SLC44A5: variants seen among roughly 807,000 people sequenced by gnomAD.
The protein encoded by SLC44A5 is choline transporter-like protein 5.
SLC44A5 carries 57 observed loss-of-function variants against 101.8 expected under a neutral mutation model. The ratio of observed to expected loss-of-function variants is 0.56; its 90% CI spans 0.45 to 0.70. The LOEUF is 0.70. Ranked by LOEUF, SLC44A5 falls within the 30% of genes least tolerant of loss-of-function variation. The probability of loss-of-function intolerance (pLI) is 0.00; values close to 1 mark genes in which losing one functional copy is unlikely to be tolerated. For synonymous variants in SLC44A5, 281 were observed against 290.9 expected, an observed-to-expected ratio of 0.97 and a Z score of 0.35; for missense variants, 737 against 853.1, an observed-to-expected ratio of 0.86 and a Z score of 1.70.
intron 4 of SLC44A5, among the ~76,000 whole-genome samples, chr1:75,308,305 C>G (rs1221045997): frequency 6.6e-6 from 1 of 152,034 alleles, no homozygotes; most frequent in African/African-American, 2.4e-5. Context: ...TTCTAAACTG[C>G]TTGCATTTGG....
intron 2 of SLC44A5, among the ~76,000 whole-genome samples, chr1:75,495,134 A>G (rs901839922): frequency 4.6e-5 from 7 of 152,164 alleles, no homozygotes; most frequent in Admixed American, 3.9e-4. Flanking sequence ...TGAAATTGAG[A>G]TATGTAATTT....
intron 6 of SLC44A5, among the ~76,000 whole-genome samples, chr1:75,254,539 G>A (rs917433155): frequency 2.0e-5 from 3 of 152,052 alleles, no homozygotes; most frequent in South Asian, 2.1e-4. Context: ...GAGACTCATC[G>A]GAATAAAATA....
chr1:75,321,084 T>C lies in SLC44A5; in HGVS notation c.101+18498A>G, dbSNP rs371645878. On this transcript the variant is annotated intron_variant, in intron 4 of 23. Transcript: ENST00000370859. ...TAATATTAAGATGTTTATTTATAAC[T>C]TTATGACATTAGAGAAAGCATTTGT... is the stretch of plus-strand genomic sequence containing the variant. Among the ~76,000 whole-genome samples the C allele has an allele frequency of 7.9e-5, 12 of 151,774 alleles. No homozygotes were observed. In the East Asian group the frequency reaches 2.3e-3, roughly 29 times the overall value.
At chr1:75,526,072 G>A (rs576460022) in intron 2 of SLC44A5, among the ~76,000 whole-genome samples, 27 of 152,274 alleles carry the variant, frequency 1.8e-4, no homozygotes, top group African/African-American at 6.5e-4. Context: ...CTTTGTCTTT[G>A]TAGGTTACAT....
chr1:75,613,575 G>A (rs967793497), upstream of SLC44A5, among the ~76,000 whole-genome samples: 7 of 152,132 alleles, frequency 4.6e-5, no homozygotes, highest in Non-Finnish European at 5.9e-5. Flanking sequence ...TAAAAAACAA[G>A]AACAACTCAA....
chr1:75,573,650 C>T (rs1338157033), intron 1 of SLC44A5, among the ~76,000 whole-genome samples: 1 of 152,132 alleles, frequency 6.6e-6, no homozygotes, highest in Non-Finnish European at 1.5e-5. Context: ...TGATTATACA[C>T]AGGGAGCGTA....
At position 75,335,889 on chromosome 1, in the gene SLC44A5, G is replaced by A. The variant is rs567464998; in HGVS notation, c.101+3693C>T. ...CTCTGACACCAGCCTCAGAGTGCCC[G>A]TCCTTCCCTGAAATCCTGCAGCAGC... is the stretch of plus-strand genomic sequence containing the variant. On this transcript the variant is annotated intron_variant, in intron 4 of 23. Coordinates refer to ENST00000370859, the MANE Select transcript of SLC44A5 (RefSeq NM_001130058.2). Among the ~76,000 whole-genome samples, 13 of 152,266 alleles carry A rather than the reference G, an allele frequency of 8.5e-5. No homozygotes were observed. The East Asian group carries it at 1.7e-3, about 20-fold the overall frequency.
chr1:75,405,683 A>T (rs1290705502), intron 2 of SLC44A5, among the ~76,000 whole-genome samples: 5 of 152,120 alleles, frequency 3.3e-5, no homozygotes, highest in African/African-American at 4.8e-5. Flanking sequence ...AATGTACCCA[A>T]ATCTGTGGGA....
At chr1:75,643,357 TC>T in the SLC44A5 span, among the ~76,000 whole-genome samples, 1 of 152,126 alleles carries the variant, frequency 6.6e-6, no homozygotes, top group Non-Finnish European at 1.5e-5. Flanking sequence ...ATTAAAGTAG[TC>T]TTTGGTTATC....
intron 2 of SLC44A5, among the ~76,000 whole-genome samples, chr1:75,423,878 T>G (rs1240221437): frequency 6.6e-6 from 1 of 152,234 alleles, no homozygotes; most frequent in Non-Finnish European, 1.5e-5. Flanking sequence ...TAAAACACCA[T>G]TAGTTTCCTA....
chr1:75,227,884 A>T (rs1014042328), intron 12 of SLC44A5, 27 bp from the exon 13 acceptor site: 99 of 1,555,314 alleles, frequency 6.4e-5, no homozygotes, highest in Non-Finnish European at 8.5e-5. Context: ...AAACAGAATA[A>T]TATAAAATAT....
chr1:75,698,549 C>G, the SLC44A5 span, among the ~76,000 whole-genome samples: 7 of 152,282 alleles, frequency 4.6e-5, no homozygotes, highest in East Asian at 1.9e-4. Flanking sequence ...CACAAAGATG[C>G]GGAAAAAACA....
the SLC44A5 span, among the ~76,000 whole-genome samples, chr1:75,703,903 C>T: frequency 6.6e-6 from 1 of 152,010 alleles, no homozygotes; most frequent in Admixed American, 6.6e-5. Context: ...AAAAAAACCT[C>T]CAGGCCAAGC....
At position 75,237,096 on chromosome 1, in the gene SLC44A5, A is replaced by T. The variant is rs752991326; in HGVS notation, c.657-26T>A. 4 of 1,455,020 alleles carry T rather than the reference A, an allele frequency of 2.7e-6. No homozygotes were observed. The South Asian group carries it at 3.5e-5, about 13-fold the overall frequency. 90.1% of individuals were successfully genotyped at this position (1,455,020 alleles called of 1,614,324 possible). A position where few individuals can be genotyped will look rare whatever the true frequency, so the allele number is the denominator to read the frequency against. On this transcript the variant is annotated intron_variant, in intron 10 of 23. Transcript: ENST00000370859. ...CTGCATTGAAAGAAGGGAAAAAATC[A>T]ATTATTTTTTGATGACCACTAAACA...
chr1:75,233,964 T>G, intron 12 of SLC44A5, 22 bp downstream of exon 12: 1 of 1,493,102 alleles, frequency 6.7e-7, no homozygotes, highest in Non-Finnish European at 9.3e-7. Context: ...TATTTGATAA[T>G]TTGAAGAGGA....
At chr1:75,557,800 A>G (rs1672303398) in intron 1 of SLC44A5, among the ~76,000 whole-genome samples, 1 of 152,122 alleles carries the variant, frequency 6.6e-6, no homozygotes, top group South Asian at 2.1e-4. Context: ...AATAGATAGA[A>G]AAAGCATTTT....
intron 3 of SLC44A5, among the ~76,000 whole-genome samples, chr1:75,389,748 GA>G (rs1158973925): frequency 6.6e-6 from 1 of 152,038 alleles, no homozygotes; most frequent in Non-Finnish European, 1.5e-5. Context: ...ATCACACTTA[GA>G]GGAACTAGAA....
At chr1:75,673,462 C>T in the SLC44A5 span, among the ~76,000 whole-genome samples, 1 of 151,578 alleles carries the variant, frequency 6.6e-6, no homozygotes, top group Non-Finnish European at 1.5e-5. Context: ...CAGACAGCAT[C>T]ACTGGACCTA....
At chr1:75,298,403 T>C (rs1037256928) in intron 5 of SLC44A5, among the ~76,000 whole-genome samples, 5 of 152,200 alleles carry the variant, frequency 3.3e-5, no homozygotes, top group African/African-American at 1.2e-4. Flanking sequence ...CAGTTTTTTA[T>C]TGAGTAACAT....
Sources: gnomAD v4.1 joint callset for allele counts (sites outside exome capture counted in the v4.1 genomes callset) on GRCh38, gnomAD v4.1.1 for gene constraint, MANE v1.5 for transcripts, NCBI Gene and HGNC (gene_info 2026-07-23, HGNC 2026-07-21) for gene names.